TUSC3: variants seen among roughly 807,000 people sequenced by gnomAD.
TUSC3 encodes the protein tumor suppressor candidate 3, also known as dolichyl-diphosphooligosaccharide--protein glycosyltransferase subunit TUSC3.
TUSC3 carries 45 observed loss-of-function variants against 44.8 expected under a neutral mutation model. The ratio of observed to expected loss-of-function variants is 1.00; its 90% CI spans 0.79 to 1.29. The LOEUF is 1.29. Ranked by LOEUF, TUSC3 falls within the 50% of genes most tolerant of loss-of-function variation. The pLI, the probability that TUSC3 is intolerant of heterozygous loss-of-function variation, is 0.00. For missense variants in TUSC3, 519 were observed against 437.9 expected (o/e 1.19, Z -1.65); for synonymous variants, 212 against 152.9 (o/e 1.39, Z -2.85).
At chr8:15,607,810 A>T (rs1804597803) in intron 1 of TUSC3, among the ~76,000 whole-genome samples, 1 of 152,018 alleles carries the variant, frequency 6.6e-6, no homozygotes, top group Non-Finnish European at 1.5e-5. Flanking sequence ...GTATTGATTG[A>T]CTATATGCTA....
chr8:15,538,936 A>C (rs571632964), upstream of TUSC3, among the ~76,000 whole-genome samples: 118 of 151,250 alleles, frequency 7.8e-4, no homozygotes, highest in African/African-American at 2.7e-3. Context: ...TGTAACCTCA[A>C]ACTCCTGGGC....
chr8:15,547,215 A>G (rs1333760665), intron 1 of TUSC3, among the ~76,000 whole-genome samples: 2 of 151,650 alleles, frequency 1.3e-5, no homozygotes, highest in African/African-American at 4.8e-5. Context: ...CAGGTTAAAT[A>G]AGTTGTAGCA....
At position 15,466,502 on chromosome 8, in the gene TUSC3, CTTATTT is replaced by C. The variant is rs574194299; in HGVS notation, n.92-16880_92-16875del. Among the ~76,000 whole-genome samples, 83 of 152,162 alleles carry C rather than the reference CTTATTT, an allele frequency of 5.5e-4. 1 individual carries two copies. The South Asian group carries it at 0.016, about 29-fold the overall frequency. ...ATATAAAATTAGAAATAGTTCTTAGCTTATTTTTAAAGTTAAATTTAATAAAGCATT... is the reference window on the plus strand; with the variant it reads ...ATATAAAATTAGAAATAGTTCTTAGCTTAAAGTTAAATTTAATAAAGCATT... On this transcript the variant is annotated intron_variant and non_coding_transcript_variant, in intron 1 of 5. Transcript: ENST00000503191.
At chr8:15,637,159 A>G (rs1459257955) in intron 2 of TUSC3, among the ~76,000 whole-genome samples, 3 of 152,018 alleles carry the variant, frequency 2.0e-5, no homozygotes, top group Admixed American at 2.0e-4. Flanking sequence ...GTTCTATTTC[A>G]TTGTTTTGTT....
At chr8:15,425,524 A>C (rs1009862544) in intron 1 of TUSC3, among the ~76,000 whole-genome samples, 2 of 152,196 alleles carry the variant, frequency 1.3e-5, no homozygotes, top group Non-Finnish European at 2.9e-5. Context: ...TTTCAAGTAC[A>C]ATATGTATGT....
the TUSC3 span, among the ~76,000 whole-genome samples, chr8:15,788,546 C>CAA: frequency 0.098 from 7,386 of 75,280 alleles, 250 homozygotes; most frequent in Middle Eastern, 0.17. Flanking sequence ...GACTCTATCT[C>CAA]AAAAAAAAAA....
At chr8:15,722,538 T>G (rs1810340021) in intron 6 of TUSC3, among the ~76,000 whole-genome samples, 1 of 152,096 alleles carries the variant, frequency 6.6e-6, no homozygotes, top group Admixed American at 6.6e-5. Context: ...CTTATAGTAT[T>G]CTAGAGACTC....
chr8:15,699,794 A>G (rs1418472083), intron 6 of TUSC3, among the ~76,000 whole-genome samples: 1 of 152,154 alleles, frequency 6.6e-6, no homozygotes, highest in Non-Finnish European at 1.5e-5. Flanking sequence ...TTAATGTTTT[A>G]TAAAGCACTT....
the TUSC3 span, among the ~76,000 whole-genome samples, chr8:15,831,159 G>A: frequency 5.3e-5 from 8 of 152,176 alleles, no homozygotes; most frequent in African/African-American, 1.9e-4. Context: ...CCCAGAATTA[G>A]GGCATGCAGC....
At chr8:15,629,385 T>G (rs529190715) in intron 2 of TUSC3, among the ~76,000 whole-genome samples, 1 of 152,102 alleles carries the variant, frequency 6.6e-6, no homozygotes, top group East Asian at 1.9e-4. Flanking sequence ...GTGGGCAGAG[T>G]GGACCAAAGA....
the TUSC3 span, among the ~76,000 whole-genome samples, chr8:15,808,705 C>G: frequency 1.3e-5 from 2 of 152,084 alleles, no homozygotes. Context: ...AGTGGCTTCT[C>G]CATTTTTGAC....
chr8:15,851,080 C>A, the TUSC3 span, among the ~76,000 whole-genome samples: 1 of 152,208 alleles, frequency 6.6e-6, no homozygotes, highest in South Asian at 2.1e-4. Context: ...GACGACGCGA[C>A]GCTTTTCGGA....
chr8:15,435,112 C>A (rs993737133), intron 1 of TUSC3, among the ~76,000 whole-genome samples: 1 of 149,110 alleles, frequency 6.7e-6, no homozygotes. Flanking sequence ...AATCGCCACA[C>A]CGACTTCCAC....
intron 1 of TUSC3, among the ~76,000 whole-genome samples, chr8:15,613,501 A>G (rs746782824): frequency 3.0e-4 from 45 of 152,106 alleles, no homozygotes; most frequent in Non-Finnish European, 5.1e-4. Flanking sequence ...ATGAGATGTG[A>G]TGGTTTTATG....
At chr8:15,484,217 A>C (rs1800706165) in intron 2 of TUSC3, among the ~76,000 whole-genome samples, 1 of 151,826 alleles carries the variant, frequency 6.6e-6, no homozygotes, top group African/African-American at 2.4e-5. Context: ...TGCAACCATA[A>C]ATTTGCTAAT....
At chr8:15,672,536 G>A (rs1395538282) in intron 5 of TUSC3, among the ~76,000 whole-genome samples, 28 of 152,016 alleles carry the variant, frequency 1.8e-4, no homozygotes, top group Admixed American at 2.6e-4. Context: ...TCTGCAACTC[G>A]AGTATTATAA....
In TUSC3 at chr8:15,693,602, C is replaced by G. The variant is rs186851364; in HGVS notation, c.798+19766C>G. Among the ~76,000 whole-genome samples, 181 of 151,748 alleles carry G rather than the reference C, an allele frequency of 1.2e-3. 1 individual carries two copies. Among genetic ancestry groups the G allele is most frequent in the Non-Finnish European group, 2.1e-3 (142 of 67,930 alleles). On this transcript the variant is annotated intron_variant, in intron 6 of 10. Coordinates refer to ENST00000503731, the MANE Select transcript of TUSC3 (RefSeq NM_006765.4). ...TAGCTTTTTTTTCCTTTCATTTTGA[C>G]CTTAGAGAATCTCATGTGTCTTGGG...
At chr8:15,581,604 C>CG (rs1437963194) in intron 1 of TUSC3, among the ~76,000 whole-genome samples, 9 of 146,640 alleles carry the variant, frequency 6.1e-5, no homozygotes, top group Non-Finnish European at 8.9e-5. Context: ...GCCCCTGCTG[C>CG]GGGGTGCCTC....
intron 6 of TUSC3, among the ~76,000 whole-genome samples, chr8:15,707,342 T>G (rs1809659213): frequency 6.6e-6 from 1 of 151,960 alleles, no homozygotes; most frequent in Non-Finnish European, 1.5e-5. Context: ...GTAATAAGAG[T>G]CACATCATAT....
Sources: gnomAD v4.1 joint callset for allele counts (sites outside exome capture counted in the v4.1 genomes callset) on GRCh38, gnomAD v4.1.1 for gene constraint, MANE v1.5 for transcripts, NCBI Gene and HGNC (gene_info 2026-07-23, HGNC 2026-07-21) for gene names.